MAFG: variants seen among roughly 807,000 people sequenced by gnomAD.
The protein encoded by MAFG is MAF bZIP transcription factor G.
Under a neutral mutation model 12.2 loss-of-function variants are expected in MAFG, and 3 were observed. The ratio of observed to expected loss-of-function variants is 0.25; its 90% CI spans 0.11 to 0.64. The LOEUF is 0.64. Ranked by LOEUF, MAFG falls within the 30% of genes least tolerant of loss-of-function variation. MAFG has a pLI of 0.85. For missense variants in MAFG, 153 were observed against 235.5 expected (o/e 0.65, Z 2.29); for synonymous variants, 126 against 109.1 (o/e 1.15, Z -0.96).
chr17:81,931,029 CCT>C (rs2040981912), upstream of MAFG, among the ~76,000 whole-genome samples: 1 of 152,222 alleles, frequency 6.6e-6, no homozygotes, highest in Admixed American at 6.5e-5. Context: ...TGGGTGTCCA[CCT>C]CCCCACAGCC....
At chr17:81,927,203 G>A (rs1384804354) in intron 1 of MAFG, among the ~76,000 whole-genome samples, 1 of 150,812 alleles carries the variant, frequency 6.6e-6, no homozygotes. Context: ...CTTTCCTCCC[G>A]CCGTCCAGTG....
upstream of MAFG, chr17:81,929,337 ATCT>A (rs2040966837): frequency 6.6e-6 from 1 of 152,184 alleles, no homozygotes; most frequent in African/African-American, 2.4e-5. The surrounding 1 kb of genome is among the most constrained non-coding windows in gnomAD (Gnocchi z 5.7). Flanking sequence ...TCACCCCAGA[ATCT>A]TCTTGGGGTG....
At position 81,923,528 on chromosome 17, in the gene MAFG, C is replaced by T. The variant is rs149361593; in HGVS notation, c.-29-314G>A. Reference sequence around the variant, plus strand: ...AGGGGAGAGATTAGAAGGAATAAGACGCGGGAGAGGCAGGCCTAGAAGGAA... The same window carrying T: ...AGGGGAGAGATTAGAAGGAATAAGATGCGGGAGAGGCAGGCCTAGAAGGAA... On this transcript the variant is annotated intron_variant, in intron 1 of 2. Coordinates refer to ENST00000357736, the MANE Select transcript of MAFG (RefSeq NM_002359.4). The T allele has an allele frequency of 1.4e-3, 351 of 254,280 alleles. 3 individuals are homozygous for T. The highest frequency in any genetic ancestry group is 7.3e-3 in the African/African-American group (327 of 44,738). The allele number at this position is 254,280 out of a possible 1,614,324, so 15.8% of individuals were successfully genotyped here. A position where few individuals can be genotyped will look rare whatever the true frequency, so the allele number is the denominator to read the frequency against.
In MAFG at chr17:81,923,069, T is replaced by C. The variant is rs1226239029; in HGVS notation, c.37-12A>G. The C allele has an allele frequency of 1.9e-6, 3 of 1,607,624 alleles. No individual in the cohort carries two copies. The highest frequency in any genetic ancestry group is 2.2e-5 in the East Asian group (1 of 44,718). ...GGCTCCCGCTTCACCTGGGGCACAG[T>C]GCAGGTGGTCACAGGCCAAGCGGGC... On this transcript the variant is annotated splice_polypyrimidine_tract_variant and intron_variant, in intron 2 of 2. Transcript: ENST00000357736.
At chr17:81,928,837 C>T (rs1475003417), upstream of MAFG, among the ~76,000 whole-genome samples, 1 of 152,236 alleles carries the variant, frequency 6.6e-6, no homozygotes, top group East Asian at 1.9e-4. The surrounding 1 kb of genome is among the most constrained non-coding windows in gnomAD (Gnocchi z 8.1). Flanking sequence ...CTGCTCGCGT[C>T]CTCATCCTAC....
Position 81,919,905 on chromosome 17 carries a change from C to T in MAFG, c.*2700G>A, listed in dbSNP as rs1183304161. The T allele has an allele frequency of 1.3e-5, 2 of 152,094 alleles. No homozygotes were observed. The highest frequency in any genetic ancestry group is 4.8e-5 in the African/African-American group (2 of 41,372). 9.4% of individuals were successfully genotyped at this position (152,094 alleles called of 1,614,324 possible). ...AGGTATGGCCTCGAAACTCCAGAAG[C>T]CTCTTCTGCCAACGCACCGAGGACC... On this transcript the variant is annotated 3_prime_UTR_variant, in exon 3 of 3. Coordinates refer to ENST00000357736, the MANE Select transcript of MAFG (RefSeq NM_002359.4).
In MAFG at chr17:81,926,509, C is replaced by T. The variant is rs369714937; in HGVS notation, c.-30+1019G>A. Among the ~76,000 whole-genome samples the T allele has an allele frequency of 1.3e-4, 20 of 152,272 alleles. No individual in the cohort carries two copies. The highest frequency in any genetic ancestry group is 2.6e-4 in the Non-Finnish European group (18 of 68,028). ...GTCACCCAGGGCTTGGTACACACAC[C>T]CCTCTTTCTCCCAGGACCTCGATCT... On this transcript the variant is annotated intron_variant, in intron 1 of 2. Coordinates refer to ENST00000357736, the MANE Select transcript of MAFG (RefSeq NM_002359.4). This position sits in a 1 kb window ranked among gnomAD's most constrained non-coding sequence, Gnocchi z 4.6.
upstream of MAFG, chr17:81,927,914 C>G (rs1315648076): frequency 6.6e-6 from 1 of 152,186 alleles, no homozygotes; most frequent in Non-Finnish European, 1.5e-5. Context: ...GGGCGCACGG[C>G]CAAAGCGCCA....
rs2040852749 is a variant in MAFG at position 81,918,515 on chromosome 17, C to T, written c.*4090G>A. The stretch of plus-strand genomic sequence containing the variant: ...CTCGGGCCTCACCCCGCATCCAAAC[C>T]CCAGCCCCTCCTCACTTAGATCTTT... On this transcript the variant is annotated 3_prime_UTR_variant, in exon 3 of 3. Coordinates refer to ENST00000357736, the MANE Select transcript of MAFG (RefSeq NM_002359.4). The T allele has an allele frequency of 6.2e-6, 1 of 160,992 alleles. No individual in the cohort carries two copies. Among genetic ancestry groups the T allele is most frequent in the African/African-American group, 2.4e-5 (1 of 41,644 alleles). The allele number at this position is 160,992 out of a possible 1,614,324, so 10.0% of individuals were successfully genotyped here.
intron 1 of MAFG, chr17:81,923,681 G>A (rs148541804): frequency 0.01 from 1,573 of 155,664 alleles, 17 homozygotes; most frequent in Non-Finnish European, 0.012. Context: ...AGCCAACAGC[G>A]CCCCACGAGA....
At chr17:81,929,170 C>T (rs925833812), upstream of MAFG, among the ~76,000 whole-genome samples, 1 of 152,210 alleles carries the variant, frequency 6.6e-6, no homozygotes, top group African/African-American at 2.4e-5. The surrounding 1 kb of genome is among the most constrained non-coding windows in gnomAD (Gnocchi z 5.7). Flanking sequence ...TGCACCTCCG[C>T]GCGAATTTGG....
chr17:81,922,890 G>A lies in MAFG; in HGVS notation c.204C>T (p.Cys68=), dbSNP rs1054499. The change falls in exon 3 of 3, where the codon TGC becomes TGT. Residue 68 remains cysteine (C), a synonymous_variant. Coordinates refer to ENST00000357736, the MANE Select transcript of MAFG (RefSeq NM_002359.4). ...CCTTCTGCGTCACCCGCTTCACGCGGCAGCTGGCAGCGTAGCCGCGGTTCT... is the reference window on the plus strand; with the variant it reads ...CCTTCTGCGTCACCCGCTTCACGCGACAGCTGGCAGCGTAGCCGCGGTTCT... ...TLKNRGYAAS[C]RVKRVTQKEE... 48 of 1,610,754 alleles carry A rather than the reference G, an allele frequency of 3.0e-5. No individual in the cohort carries two copies. The African/African-American group carries it at 6.0e-4, about 20-fold the overall frequency.
chr17:81,931,194 G>A (rs373832515), upstream of MAFG, among the ~76,000 whole-genome samples: 9 of 152,162 alleles, frequency 5.9e-5, no homozygotes, highest in Non-Finnish European at 8.8e-5. Flanking sequence ...TGCAAAGCCC[G>A]TCTGCAGCCC....
At chr17:81,927,850 G>T (rs989345845), upstream of MAFG, 1 of 152,136 alleles carries the variant, frequency 6.6e-6, no homozygotes, top group African/African-American at 2.4e-5. Flanking sequence ...GCGCGCCGTC[G>T]TCCCTGGCAA....
At position 81,926,331 on chromosome 17, in the gene MAFG, C is replaced by G. The variant is rs534732898; in HGVS notation, c.-30+1197G>C. Among the ~76,000 whole-genome samples, 1 of 152,190 alleles carries G rather than the reference C, an allele frequency of 6.6e-6. No individual in the cohort carries two copies. Among genetic ancestry groups the G allele is most frequent in the African/African-American group, 2.4e-5 (1 of 41,438 alleles). On this transcript the variant is annotated intron_variant, in intron 1 of 2. Transcript: ENST00000357736. This position sits in a 1 kb window ranked among gnomAD's most constrained non-coding sequence, Gnocchi z 4.6. ...CCCTGTGCCATCCACACCAGCCCAT[C>G]TGCTGCACCCCAAGGCTAGGCACCC...
chr17:81,929,960 G>A (rs184905311), upstream of MAFG: 1,028 of 145,760 alleles, frequency 7.1e-3, 4 homozygotes, highest in Non-Finnish European at 9.9e-3. This position sits in a 1 kb window ranked among gnomAD's most constrained non-coding sequence, Gnocchi z 5.7. Context: ...GCACCTCCCC[G>A]GCATCCTCCC....
At chr17:81,930,213 C>T (rs934345366), upstream of MAFG, 3 of 152,530 alleles carry the variant, frequency 2.0e-5, no homozygotes, top group African/African-American at 7.2e-5. This position sits in a 1 kb window ranked among gnomAD's most constrained non-coding sequence, Gnocchi z 4.1. Flanking sequence ...TTGCCCATCT[C>T]TGCCTGGCCA....
At position 81,926,280 on chromosome 17, in the gene MAFG, G is replaced by A. The variant is rs2040939002; in HGVS notation, c.-30+1248C>T. On this transcript the variant is annotated intron_variant, in intron 1 of 2. Coordinates refer to ENST00000357736, the MANE Select transcript of MAFG (RefSeq NM_002359.4). This position sits in a 1 kb window ranked among gnomAD's most constrained non-coding sequence, Gnocchi z 4.6. ...CCCACTTCAGGTAGCGACAACTTTA[G>A]GGTGGCTGGGTGCTGCGTTCTGCCA... is the stretch of plus-strand genomic sequence containing the variant. 6.6e-6 allele frequency among the ~76,000 whole-genome samples: 1 copy of A among 152,094 alleles called. No individual in the cohort carries two copies. The highest frequency in any genetic ancestry group is 6.6e-5 in the Admixed American group (1 of 15,264).
At position 81,922,480 on chromosome 17, in the gene MAFG, AG is replaced by A. The variant is rs1270044498; in HGVS notation, c.*124del. ...CCCTGGGGTACAGGTTGTGCTTTGC[AG>A]GGAAGAGAGAAGGGTGGGGAAGAGA... On this transcript the variant is annotated 3_prime_UTR_variant, in exon 3 of 3. Coordinates refer to ENST00000357736, the MANE Select transcript of MAFG (RefSeq NM_002359.4). 1.3e-6 allele frequency: 1 copy of A among 751,422 alleles called. No individual in the cohort carries two copies. Among genetic ancestry groups the A allele is most frequent in the African/African-American group, 1.9e-5 (1 of 53,554 alleles). The allele number at this position is 751,422 out of a possible 1,614,324, so 46.5% of individuals were successfully genotyped here. A position where few individuals can be genotyped will look rare whatever the true frequency, so the allele number is the denominator to read the frequency against.
Sources: gnomAD v4.1 joint callset for allele counts (sites outside exome capture counted in the v4.1 genomes callset) on GRCh38, gnomAD v4.1.1 for gene constraint, Gnocchi (gnomAD v3.1) non-coding constraint, MANE v1.5 for transcripts, NCBI Gene and HGNC (gene_info 2026-07-23, HGNC 2026-07-21) for gene names.